Variants in RALYL observed in about 807,000 individuals in gnomAD.
The protein encoded by RALYL is RALY RNA binding protein like, also known as RNA-binding Raly-like protein.
A neutral mutation model predicts 35.1 loss-of-function variants in RALYL; 29 were observed. The ratio of observed to expected loss-of-function variants is 0.83; its 90% CI spans 0.61 to 1.13. The LOEUF is 1.13. RALYL is among the 50% of genes most tolerant of loss of function. The pLI is 0.00. For synonymous variants in RALYL, 120 were observed against 127.6 expected (o/e 0.94, Z 0.40); for missense variants, 359 against 360.4 (o/e 1.00, Z 0.03).
intron 1 of RALYL, among the ~76,000 whole-genome samples, chr8:84,313,246 A>G (rs1475618534): frequency 1.3e-5 from 2 of 151,862 alleles, no homozygotes; most frequent in Non-Finnish European, 1.5e-5. Flanking sequence ...CCACGAAACC[A>G]TTTTTTCCTC....
At chr8:84,347,465 G>T (rs986740392) in intron 1 of RALYL, among the ~76,000 whole-genome samples, 1 of 151,762 alleles carries the variant, frequency 6.6e-6, no homozygotes, top group Admixed American at 6.6e-5. Context: ...TTTTTTATGT[G>T]CTTCTGCTTT....
intron 1 of RALYL, among the ~76,000 whole-genome samples, chr8:84,324,936 C>T (rs1845540299): frequency 6.6e-6 from 1 of 152,096 alleles, no homozygotes; most frequent in African/African-American, 2.4e-5. Flanking sequence ...TTACTCTATA[C>T]CTCCCACACT....
chr8:84,702,900 T>G (rs1190881202), intron 2 of RALYL, among the ~76,000 whole-genome samples: 1 of 151,886 alleles, frequency 6.6e-6, no homozygotes, highest in East Asian at 1.9e-4. Flanking sequence ...TTGTAGGGAG[T>G]AGATGAGGAG....
chr8:84,869,436 C>T (rs1430841381), intron 6 of RALYL, among the ~76,000 whole-genome samples: 1 of 152,012 alleles, frequency 6.6e-6, no homozygotes. Flanking sequence ...TGTCAAAGTC[C>T]ACATGATTAT....
chr8:84,898,162 T>C (rs528852365), intron 8 of RALYL, among the ~76,000 whole-genome samples: 7 of 152,330 alleles, frequency 4.6e-5, no homozygotes, highest in East Asian at 1.9e-4. Flanking sequence ...AGCAGCATCA[T>C]ATCATGTGGA....
intron 1 of RALYL, among the ~76,000 whole-genome samples, chr8:84,460,333 A>T (rs765844535): frequency 6.6e-6 from 1 of 151,682 alleles, no homozygotes; most frequent in East Asian, 1.9e-4. Flanking sequence ...ACTCCTACAA[A>T]TTTCACCTCC....
At chr8:84,221,884 A>C (rs1822311591) in intron 1 of RALYL, among the ~76,000 whole-genome samples, 1 of 152,070 alleles carries the variant, frequency 6.6e-6, no homozygotes, top group African/African-American at 2.4e-5. Flanking sequence ...TGCTAGTCTA[A>C]TTTTTTAACA....
At chr8:84,363,881 A>G (rs1218757625) in intron 1 of RALYL, among the ~76,000 whole-genome samples, 1 of 152,170 alleles carries the variant, frequency 6.6e-6, no homozygotes, top group Admixed American at 6.5e-5. Flanking sequence ...ACTGGTGTAA[A>G]AGCAGTCATT....
At chr8:84,545,178 T>A (rs2060274719) in intron 2 of RALYL, among the ~76,000 whole-genome samples, 1 of 152,104 alleles carries the variant, frequency 6.6e-6, no homozygotes, top group Admixed American at 6.5e-5. Context: ...ATCACTTATT[T>A]TATAATCCAT....
chr8:84,210,065 G>T (rs1391304221), intron 1 of RALYL, among the ~76,000 whole-genome samples: 1 of 152,142 alleles, frequency 6.6e-6, no homozygotes, highest in African/African-American at 2.4e-5. Context: ...GGAATTAAAT[G>T]TGTGCCTCTG....
intron 8 of RALYL, among the ~76,000 whole-genome samples, chr8:84,895,092 T>A (rs1844501932): frequency 6.6e-6 from 1 of 152,214 alleles, no homozygotes. Context: ...TTTGTGCTAC[T>A]CTGTAGTTAC....
At chr8:84,657,316 C>T (rs1271685252) in intron 2 of RALYL, among the ~76,000 whole-genome samples, 1 of 152,092 alleles carries the variant, frequency 6.6e-6, no homozygotes, top group Non-Finnish European at 1.5e-5. Flanking sequence ...TTTTCTTTTA[C>T]TAAAAAACAA....
At chr8:84,862,649 CA>C (rs1169403412) in intron 6 of RALYL, among the ~76,000 whole-genome samples, 196 bp downstream of exon 6, 1 of 152,152 alleles carries the variant, frequency 6.6e-6, no homozygotes, top group East Asian at 1.9e-4. Flanking sequence ...GAGACAAACA[CA>C]AAAATGTCTA....
chr8:84,412,643 T>G (rs891858493), intron 1 of RALYL, among the ~76,000 whole-genome samples: 1 of 152,006 alleles, frequency 6.6e-6, no homozygotes, highest in Non-Finnish European at 1.5e-5. Context: ...AATTTCAGCC[T>G]CTATATTAAT....
chr8:84,263,014 G>A (rs1017761913), intron 1 of RALYL, among the ~76,000 whole-genome samples: 3 of 152,106 alleles, frequency 2.0e-5, no homozygotes, highest in African/African-American at 7.2e-5. Context: ...GTTTCTAGCT[G>A]TAATTTGATC....
chr8:84,885,457 A>G (rs140636180), intron 7 of RALYL, among the ~76,000 whole-genome samples: 3 of 152,228 alleles, frequency 2.0e-5, no homozygotes, highest in South Asian at 2.1e-4. Context: ...GAAAAATGGG[A>G]AGAATTTATG....
chr8:84,455,232 C>G (rs711013), intron 1 of RALYL, among the ~76,000 whole-genome samples: 5,826 of 151,948 alleles, frequency 0.038, 154 homozygotes, highest in Middle Eastern at 0.071. Flanking sequence ...TCATGTTAAC[C>G]CTTTTTTAAA....
At chr8:84,726,305 T>C (rs1844942635) in intron 2 of RALYL, among the ~76,000 whole-genome samples, 1 of 146,886 alleles carries the variant, frequency 6.8e-6, no homozygotes, top group Non-Finnish European at 1.5e-5. Flanking sequence ...TAAAATTATA[T>C]ATATTTATAA....
intron 1 of RALYL, among the ~76,000 whole-genome samples, chr8:84,422,029 C>T (rs2045688299): frequency 1.3e-5 from 2 of 152,182 alleles, no homozygotes; most frequent in African/African-American, 4.8e-5. Flanking sequence ...TGTGTCTCTG[C>T]CTGACTTTGG....
Sources: gnomAD v4.1 joint callset for allele counts (sites outside exome capture counted in the v4.1 genomes callset) on GRCh38, gnomAD v4.1.1 for gene constraint, MANE v1.5 for transcripts, NCBI Gene and HGNC (gene_info 2026-07-23, HGNC 2026-07-21) for gene names.